SMARCC1: variants seen among roughly 807,000 people sequenced by gnomAD.
SMARCC1 encodes SWI/SNF complex subunit SMARCC1.
Under a neutral mutation model 147.4 loss-of-function variants are expected in SMARCC1, and 43 were observed. That is an observed-to-expected ratio of 0.29 (90% CI 0.23 to 0.38). The LOEUF (loss-of-function observed/expected upper bound fraction) is 0.38, where lower values mean the gene tolerates loss of function less well. SMARCC1 is among the 10% of genes least tolerant of loss of function. The pLI is 1.00. For synonymous variants in SMARCC1, 495 were observed against 484.4 expected (o/e 1.02, Z -0.29); for missense variants, 1,119 against 1,381.1 (o/e 0.81, Z 3.01).
At chr3:47,689,214 T>A (rs561360892) in intron 13 of SMARCC1, among the ~76,000 whole-genome samples, 173 bp downstream of exon 13, 36 of 152,216 alleles carry the variant, frequency 2.4e-4, no homozygotes, top group Middle Eastern at 6.8e-3. Flanking sequence ...CAGAAATGGT[T>A]CTTATATTGT....
At chr3:47,729,231 T>A in intron 5 of SMARCC1, 137 bp from the exon 6 acceptor site, 1 of 600,898 alleles carries the variant, frequency 1.7e-6, no homozygotes, top group Non-Finnish European at 2.8e-6. Flanking sequence ...TTGCTTCTTT[T>A]TAGTCAAATA....
intron 21 of SMARCC1, among the ~76,000 whole-genome samples, chr3:47,657,203 G>A (rs1174330438): frequency 6.6e-6 from 1 of 152,054 alleles, no homozygotes; most frequent in Non-Finnish European, 1.5e-5. Flanking sequence ...AAAGGAGAGA[G>A]GTATGCAAAA....
At chr3:47,655,062 G>C (rs2033243539) in intron 21 of SMARCC1, among the ~76,000 whole-genome samples, 1 of 152,136 alleles carries the variant, frequency 6.6e-6, no homozygotes, top group Admixed American at 6.5e-5. Context: ...AGAACAACAG[G>C]GGTAGGCCCT....
At chr3:47,611,839 G>A (rs1160663011) in intron 25 of SMARCC1, among the ~76,000 whole-genome samples, 3 of 152,194 alleles carry the variant, frequency 2.0e-5, no homozygotes, top group Non-Finnish European at 4.4e-5. Context: ...AACACAGTAT[G>A]AAGAAAAGAT....
chr3:47,746,099 TAAAC>T (rs2034561509), intron 2 of SMARCC1, 106 bp from the exon 3 acceptor site: 2 of 633,200 alleles, frequency 3.2e-6, no homozygotes, highest in Non-Finnish European at 5.3e-6. Context: ...AAATACTAAT[TAAAC>T]AACCTCCTTA....
intron 2 of SMARCC1, among the ~76,000 whole-genome samples, chr3:47,755,496 C>CAA (rs113105252): frequency 8.0e-4 from 53 of 66,404 alleles, no homozygotes; most frequent in African/African-American, 2.7e-3. Flanking sequence ...GACTCTGTCT[C>CAA]AAAAAAAAAA....
chr3:47,586,574 G>T lies in SMARCC1; in HGVS notation c.*1635C>A, dbSNP rs989411660. 2.0e-5 allele frequency: 3 copies of T among 152,442 alleles called. No individual in the cohort carries two copies. Among genetic ancestry groups the T allele is most frequent in the Non-Finnish European group, 2.9e-5 (2 of 67,986 alleles). 9.4% of individuals were successfully genotyped at this position (152,442 alleles called of 1,614,324 possible). A position where few individuals can be genotyped will look rare whatever the true frequency, so the allele number is the denominator to read the frequency against. On this transcript the variant is annotated 3_prime_UTR_variant, in exon 28 of 28. Transcript: ENST00000254480. ...GGTTTGAAAGGCAAATCTCAATTGT[G>T]GTTTTATTTTTTTGCTTTCTGATAT... is the stretch of plus-strand genomic sequence containing the variant.
rs1267653111 is a variant in SMARCC1 at position 47,686,740 on chromosome 3, C to CT, written c.1264-571dup. On this transcript the variant is annotated intron_variant, in intron 13 of 27. Coordinates refer to ENST00000254480, the MANE Select transcript of SMARCC1 (RefSeq NM_003074.4). ...GTGTCTCATGCCTGTAATTCCAACA[C>CT]TTGGGAGGCTGAGGCAGGAGGATCA... is the stretch of plus-strand genomic sequence containing the variant. Among the ~76,000 whole-genome samples, 8 of 152,234 alleles carry CT rather than the reference C, an allele frequency of 5.3e-5. No individual in the cohort carries two copies. The Middle Eastern group carries it at 0.017, about 324-fold the overall frequency.
rs1404468342 is a variant in SMARCC1 at position 47,585,432 on chromosome 3, C to T, written c.*2777G>A. On this transcript the variant is annotated 3_prime_UTR_variant, in exon 28 of 28. Coordinates refer to ENST00000254480, the MANE Select transcript of SMARCC1 (RefSeq NM_003074.4). Reference sequence around the variant, plus strand: ...CTCATGGCAGACACAGAATCCTCTTCTTTTGCTTCACTCGATTTATAAGCA... The same window carrying T: ...CTCATGGCAGACACAGAATCCTCTTTTTTTGCTTCACTCGATTTATAAGCA... The T allele has an allele frequency of 6.6e-6, 1 of 152,216 alleles. No homozygotes were observed. Among genetic ancestry groups the T allele is most frequent in the African/African-American group, 2.4e-5 (1 of 41,450 alleles). The allele number at this position is 152,216 out of a possible 1,614,324, so 9.4% of individuals were successfully genotyped here.
chr3:47,695,589 A>G (rs2033838957), intron 11 of SMARCC1, among the ~76,000 whole-genome samples: 1 of 151,746 alleles, frequency 6.6e-6, no homozygotes, highest in Non-Finnish European at 1.5e-5. Flanking sequence ...CAACGTGGTG[A>G]AACCCTGTCT....
At chr3:47,757,771 G>A (rs568718686) in intron 2 of SMARCC1, among the ~76,000 whole-genome samples, 5 of 141,880 alleles carry the variant, frequency 3.5e-5, no homozygotes, top group Admixed American at 1.5e-4. Flanking sequence ...GCGACAAAGC[G>A]AGGCTCCGTA....
chr3:47,650,298 A>AATTATTATTATT (rs55981108), intron 21 of SMARCC1, among the ~76,000 whole-genome samples: 1 of 141,068 alleles, frequency 7.1e-6, no homozygotes, highest in African/African-American at 2.6e-5. Flanking sequence ...TAATAATAAT[A>AATTATTATTATT]ATTATTATTA....
At chr3:47,678,933 G>A (rs1481783295) in intron 15 of SMARCC1, among the ~76,000 whole-genome samples, 2 of 152,194 alleles carry the variant, frequency 1.3e-5, no homozygotes, top group African/African-American at 4.8e-5. Context: ...AAATAGCTAT[G>A]TAATTTCTCA....
intron 21 of SMARCC1, among the ~76,000 whole-genome samples, chr3:47,645,926 T>C (rs1252619490): frequency 6.6e-6 from 1 of 152,166 alleles, no homozygotes; most frequent in Non-Finnish European, 1.5e-5. Context: ...AGTGGAAAAA[T>C]CCAGAGACAA....
intron 2 of SMARCC1, among the ~76,000 whole-genome samples, chr3:47,763,504 TA>T (rs2034799881): frequency 6.6e-6 from 1 of 151,990 alleles, no homozygotes; most frequent in Non-Finnish European, 1.5e-5. Context: ...TTTTTGTAGA[TA>T]TATTAAGAAA....
At chr3:47,758,393 AC>A (rs2034729309) in intron 2 of SMARCC1, among the ~76,000 whole-genome samples, 1 of 151,858 alleles carries the variant, frequency 6.6e-6, no homozygotes, top group Admixed American at 6.6e-5. Flanking sequence ...AAAAAAAAAA[AC>A]AAAAACTAGC....
At chr3:47,602,270 C>T (rs544145955) in intron 26 of SMARCC1, among the ~76,000 whole-genome samples, 8 of 152,064 alleles carry the variant, frequency 5.3e-5, no homozygotes, top group Admixed American at 3.3e-4. Flanking sequence ...CCAGGCTGGG[C>T]GACACAGCAA....
At chr3:47,696,084 G>T (rs1266238553) in intron 11 of SMARCC1, among the ~76,000 whole-genome samples, 7 of 145,952 alleles carry the variant, frequency 4.8e-5, no homozygotes, top group South Asian at 4.5e-4. Context: ...AAAAGGGGGG[G>T]GGGGGGCCAG....
In SMARCC1 at chr3:47,772,835, C is replaced by G; in HGVS notation, c.297G>C (p.Pro99=). ...TACTTACAGGGAGTTTGGTGAAGGC[C>G]GGGTTGGTGACATGCTTCCCAAAGG... The part of the protein sequence containing the change: ...EDAFGKHVTN[P]AFTKLPAKCF... The change falls in exon 2 of 28, where the codon CCG becomes CCC. Residue 99 remains proline (P), a synonymous_variant. Coordinates refer to ENST00000254480, the MANE Select transcript of SMARCC1 (RefSeq NM_003074.4). 6.2e-7 allele frequency: 1 copy of G among 1,612,488 alleles called. No individual in the cohort carries two copies.
Sources: gnomAD v4.1 joint callset for allele counts (sites outside exome capture counted in the v4.1 genomes callset) on GRCh38, gnomAD v4.1.1 for gene constraint, MANE v1.5 for transcripts, NCBI Gene and HGNC (gene_info 2026-07-23, HGNC 2026-07-21) for gene names.